The following XYLT1 variants were observed in gnomAD, a reference collection of about 807,000 sequenced individuals.
XYLT1 encodes beta-D-xylosyltransferase 1.
XYLT1 carries 36 observed loss-of-function variants against 91.3 expected under a neutral mutation model. That is an observed-to-expected ratio of 0.39 (90% CI 0.30 to 0.52). The LOEUF is 0.52. XYLT1 is among the 20% of genes least tolerant of loss of function. The pLI is 0.68. For synonymous variants in XYLT1, 588 were observed against 532.0 expected, an observed-to-expected ratio of 1.11 and a Z score of -1.45; for missense variants, 1,242 against 1,284.5, an observed-to-expected ratio of 0.97 and a Z score of 0.51.
chr16:17,273,235 T>C lies in XYLT1; in HGVS notation c.403-13737A>G, dbSNP rs2033922845. 2.0e-5 allele frequency among the ~76,000 whole-genome samples: 3 copies of C among 152,374 alleles called. No homozygotes were observed. In the South Asian group the frequency reaches 6.2e-4, roughly 32 times the overall value. On this transcript the variant is annotated intron_variant, in intron 2 of 11. Transcript: ENST00000261381. ...CTGTTTCACTCAAGAAGAGATTTTA[T>C]ATCACTTAGTTTGACCACAGTTTCA...
At chr16:17,195,703 C>T (rs989602249) in intron 5 of XYLT1, among the ~76,000 whole-genome samples, 1 of 152,120 alleles carries the variant, frequency 6.6e-6, no homozygotes. Flanking sequence ...CTTGGCCTCT[C>T]AAAGTGCTGG....
intron 6 of XYLT1, among the ~76,000 whole-genome samples, chr16:17,151,379 T>C (rs534380500): frequency 2.6e-5 from 4 of 152,112 alleles, no homozygotes; most frequent in South Asian, 4.1e-4. Flanking sequence ...TGAGCTGAGA[T>C]TGCACTCCAG....
intron 1 of XYLT1, among the ~76,000 whole-genome samples, chr16:17,358,698 G>T (rs181678687): frequency 6.6e-6 from 1 of 152,126 alleles, no homozygotes; most frequent in Non-Finnish European, 1.5e-5. Flanking sequence ...AGAGCTCAAC[G>T]TGTATCCAAA....
intron 5 of XYLT1, among the ~76,000 whole-genome samples, chr16:17,178,836 G>A (rs942112656): frequency 3.9e-5 from 6 of 152,162 alleles, no homozygotes; most frequent in African/African-American, 1.4e-4. Context: ...TTGTGAGCTC[G>A]AGGCAGGCAG....
At chr16:17,207,824 G>T (rs1018501322) in intron 3 of XYLT1, among the ~76,000 whole-genome samples, 1 of 152,082 alleles carries the variant, frequency 6.6e-6, no homozygotes, top group African/African-American at 2.4e-5. Context: ...TGTGAACTGG[G>T]GGTCATGGGG....
At chr16:17,225,526 T>C (rs193299910) in intron 3 of XYLT1, among the ~76,000 whole-genome samples, 6 of 152,198 alleles carry the variant, frequency 3.9e-5, no homozygotes, top group Admixed American at 3.9e-4. Context: ...CCTAATTTCT[T>C]GACAAGTCCA....
chr16:17,390,033 AC>A (rs199642918), intron 1 of XYLT1, among the ~76,000 whole-genome samples: 1 of 151,738 alleles, frequency 6.6e-6, no homozygotes, highest in Admixed American at 6.6e-5. Context: ...TAATCACTTC[AC>A]CCCCTGCCCA....
At position 17,104,788 on chromosome 16, in the gene XYLT1, A is replaced by C. The variant is rs900416053; in HGVS notation, c.*3907T>G. The C allele has an allele frequency of 6.6e-6, 1 of 152,244 alleles. No individual in the cohort carries two copies. Among genetic ancestry groups the C allele is most frequent in the Admixed American group, 6.5e-5 (1 of 15,282 alleles). 9.4% of individuals were successfully genotyped at this position (152,244 alleles called of 1,614,324 possible). On this transcript the variant is annotated 3_prime_UTR_variant, in exon 12 of 12. Coordinates refer to ENST00000261381, the MANE Select transcript of XYLT1 (RefSeq NM_022166.4). ...TACAAACAATGACAGGTTGGGGCTGAGTAGCAGCTGCTCATTCTGGGTAGG... is the reference window on the plus strand; with the variant it reads ...TACAAACAATGACAGGTTGGGGCTGCGTAGCAGCTGCTCATTCTGGGTAGG...
intron 2 of XYLT1, among the ~76,000 whole-genome samples, chr16:17,266,215 T>C (rs1028363467): frequency 1.3e-5 from 2 of 152,150 alleles, no homozygotes; most frequent in Admixed American, 6.5e-5. Flanking sequence ...TTGCTGGGGT[T>C]CTTCAAGCTG....
At chr16:17,364,309 CTA>C (rs2035421055) in intron 1 of XYLT1, among the ~76,000 whole-genome samples, 1 of 152,164 alleles carries the variant, frequency 6.6e-6, no homozygotes, top group Non-Finnish European at 1.5e-5. Context: ...GTAAGGGACA[CTA>C]TTAATAATTA....
intron 2 of XYLT1, among the ~76,000 whole-genome samples, chr16:17,276,610 G>T (rs771364582): frequency 3.9e-5 from 6 of 152,114 alleles, no homozygotes; most frequent in Admixed American, 6.5e-5. Context: ...AGGAAACTCT[G>T]GTCACTCCCT....
chr16:17,354,963 A>G (rs1405725297), intron 2 of XYLT1: 1 of 152,216 alleles, frequency 6.6e-6, no homozygotes, highest in African/African-American at 2.4e-5. Flanking sequence ...TTAACATGGG[A>G]AATCAGAACT....
intron 2 of XYLT1, among the ~76,000 whole-genome samples, chr16:17,348,903 G>T (rs558384499): frequency 9.8e-5 from 15 of 152,312 alleles, no homozygotes; most frequent in Middle Eastern, 3.4e-3. Flanking sequence ...ATCTTGGTGC[G>T]TGTGCTATTT....
At position 17,361,065 on chromosome 16, in the gene XYLT1, C is replaced by T. The variant is rs189271215; in HGVS notation, c.364-3015G>A. ...AGATCCATGCCCTCTGGTCATGTGA[C>T]TCGACAGTTCTTTACTGTGTGCTTC... On this transcript the variant is annotated intron_variant, in intron 1 of 11. Coordinates refer to ENST00000261381, the MANE Select transcript of XYLT1 (RefSeq NM_022166.4). Among the ~76,000 whole-genome samples, 75 of 152,300 alleles carry T rather than the reference C, an allele frequency of 4.9e-4. 3 individuals are homozygous for T. The highest frequency in any genetic ancestry group is 1.8e-3 in the African/African-American group (73 of 41,566).
At chr16:17,184,612 C>T (rs1208856688) in intron 5 of XYLT1, among the ~76,000 whole-genome samples, 1 of 152,202 alleles carries the variant, frequency 6.6e-6, no homozygotes, top group Non-Finnish European at 1.5e-5. Context: ...GTTTCAAGCT[C>T]TCAATGGCCA....
At chr16:17,358,094 G>A in intron 1 of XYLT1, 44 bp from the exon 2 acceptor site, 1 of 1,545,382 alleles carries the variant, frequency 6.5e-7, no homozygotes, top group Non-Finnish European at 8.9e-7. Context: ...GTGAAAAAAA[G>A]TTAACTTACT....
intron 2 of XYLT1, among the ~76,000 whole-genome samples, chr16:17,285,874 CTGTGTG>C (rs56267931): frequency 0.022 from 3,133 of 145,212 alleles, 80 homozygotes; most frequent in African/African-American, 0.05. Context: ...TGGTGTATCT[CTGTGTG>C]TGTGTGTGTG....
chr16:17,358,113 A>T (rs982712141), intron 1 of XYLT1, 63 bp from the exon 2 acceptor site: 39 of 1,477,902 alleles, frequency 2.6e-5, no homozygotes, highest in Non-Finnish European at 3.4e-5. Context: ...CTACCCCAGC[A>T]TCTTTTTCTT....
rs142522250 is a variant in XYLT1, at chr16:17,392,603, A to G, written c.364-34553T>C. On this transcript the variant is annotated intron_variant, in intron 1 of 11. Transcript: ENST00000261381. Reference sequence around the variant, plus strand: ...GGAGAAAGGAAACCCCTTCTCTCTCAGGACCCCAAATTCACTATGCCAAAT... The same window carrying G: ...GGAGAAAGGAAACCCCTTCTCTCTCGGGACCCCAAATTCACTATGCCAAAT... Among the ~76,000 whole-genome samples, 155 of 152,306 alleles carry G rather than the reference A, an allele frequency of 1.0e-3. 1 individual carries two copies. The highest frequency in any genetic ancestry group is 3.6e-3 in the African/African-American group (150 of 41,570).
Sources: gnomAD v4.1 joint callset for allele counts (sites outside exome capture counted in the v4.1 genomes callset) on GRCh38, gnomAD v4.1.1 for gene constraint, MANE v1.5 for transcripts, NCBI Gene and HGNC (gene_info 2026-07-23, HGNC 2026-07-21) for gene names.